The following MAP2K3 variants were observed in gnomAD, a reference collection of about 807,000 sequenced individuals.
MAP2K3 encodes dual specificity mitogen-activated protein kinase kinase 3.
MAP2K3 carries 30 observed loss-of-function variants against 46.4 expected under a neutral mutation model. That is an observed-to-expected ratio of 0.65 (90% confidence interval 0.48 to 0.88). The LOEUF (loss-of-function observed/expected upper bound fraction) is 0.88, where lower values mean the gene tolerates loss of function less well. Among genes scored for constraint, MAP2K3 ranks in the 40% least tolerant of loss-of-function variants. MAP2K3 has a pLI of 0.00. For synonymous variants in MAP2K3, 189 were observed against 176.3 expected (o/e 1.07, Z -0.57); for missense variants, 380 against 464.5 (o/e 0.82, Z 1.67).
chr17:21,310,180 T>A (rs1977098248), intron 9 of MAP2K3, among the ~76,000 whole-genome samples: 1 of 152,088 alleles, frequency 6.6e-6, no homozygotes, highest in Admixed American at 6.6e-5. Context: ...CAGCTAATTT[T>A]GTGTTTTTAG....
chr17:21,308,233 C>T (rs1452950591), intron 9 of MAP2K3, among the ~76,000 whole-genome samples: 5 of 152,164 alleles, frequency 3.3e-5, no homozygotes, highest in South Asian at 2.1e-4. Context: ...CTGCAACCTC[C>T]GCCTCCCAGG....
At chr17:21,296,505 G>C (rs1446193934) in intron 1 of MAP2K3, among the ~76,000 whole-genome samples, 1 of 152,312 alleles carries the variant, frequency 6.6e-6, no homozygotes, top group Non-Finnish European at 1.5e-5. Flanking sequence ...CCTCAGGGAG[G>C]GCTCCCTGTG....
At chr17:21,288,101 C>A (rs749814312) in intron 1 of MAP2K3, 1 of 1,288,834 alleles carries the variant, frequency 7.8e-7, no homozygotes, top group Admixed American at 2.3e-5. Flanking sequence ...GGTGAGTCAG[C>A]GGGCACTGGG....
chr17:21,300,557 G>A lies in MAP2K3; in HGVS notation c.178G>A (p.Glu60Lys), dbSNP rs1327033661. The part of the protein sequence containing the change: ...ITIGDRNFEV[E>K]ADDLVTISEL... ...TCCATCCTTCAAGAACTTTGAGGTG[G>A]AGGCTGATGACTTGGTGACCATCTC... The change falls in exon 4 of 12, where the codon GAG becomes AAG. Residue 60 changes from glutamate to lysine, a missense_variant. Glu to Lys is a moderately conservative substitution (Grantham distance 56, BLOSUM62 1). Coordinates refer to ENST00000342679, the MANE Select transcript of MAP2K3 (RefSeq NM_145109.3). 1 of 1,611,008 alleles carries A rather than the reference G, an allele frequency of 6.2e-7. No homozygotes were observed. Among genetic ancestry groups the A allele is most frequent in the South Asian group, 1.1e-5 (1 of 90,200 alleles).
At chr17:21,304,140 C>G (rs1976757788) in intron 7 of MAP2K3, among the ~76,000 whole-genome samples, 1 of 152,312 alleles carries the variant, frequency 6.6e-6, no homozygotes, top group African/African-American at 2.4e-5. Context: ...ACGGTGCTCC[C>G]AGCAAAGCAC....
intron 1 of MAP2K3, among the ~76,000 whole-genome samples, chr17:21,292,675 CA>C (rs1976009177): frequency 6.6e-6 from 1 of 152,306 alleles, no homozygotes; most frequent in Non-Finnish European, 1.5e-5. Flanking sequence ...TTAGTAGAGA[CA>C]GGGTTTCACC....
chr17:21,298,147 A>C (rs1378375241), intron 1 of MAP2K3, among the ~76,000 whole-genome samples: 19 of 152,292 alleles, frequency 1.2e-4, no homozygotes, highest in Admixed American at 1.2e-3. Context: ...GGAGGTACTC[A>C]AGATGTGCCC....
chr17:21,286,906 C>T (rs1975738308), intron 1 of MAP2K3, among the ~76,000 whole-genome samples: 1 of 152,180 alleles, frequency 6.6e-6, no homozygotes, highest in Non-Finnish European at 1.5e-5. Flanking sequence ...GATGTGGTGG[C>T]AGAGCCACAA....
At chr17:21,291,402 A>G (rs1209078338) in intron 1 of MAP2K3, 2 of 451,370 alleles carry the variant, frequency 4.4e-6, no homozygotes, top group Non-Finnish European at 8.9e-6. Flanking sequence ...TGAAGCACAG[A>G]TGGCGTTTGT....
At chr17:21,305,740 C>A in intron 9 of MAP2K3, among the ~76,000 whole-genome samples, 1 of 152,158 alleles carries the variant, frequency 6.6e-6, no homozygotes, top group African/African-American at 2.4e-5. Flanking sequence ...CGCTCTGGCT[C>A]CCCTGTGGAC....
At chr17:21,299,687 A>G (rs1976480601) in intron 3 of MAP2K3, among the ~76,000 whole-genome samples, 2 of 150,904 alleles carry the variant, frequency 1.3e-5, no homozygotes, top group Non-Finnish European at 1.5e-5. Flanking sequence ...GTTTCAAAAA[A>G]AAAAAAAAAA....
intron 3 of MAP2K3, 83 bp downstream of exon 3, chr17:21,299,009 G>A (rs1976436288): frequency 1.3e-6 from 2 of 1,589,482 alleles, no homozygotes; most frequent in Admixed American, 1.7e-5. Context: ...CCACTTTGGG[G>A]GGAGGTGACT....
intron 10 of MAP2K3, among the ~76,000 whole-genome samples, chr17:21,312,698 C>T (rs1277650150): frequency 3.8e-4 from 58 of 151,912 alleles, no homozygotes; most frequent in Admixed American, 3.4e-3. Context: ...AGGCGGATCC[C>T]GAGGTCAGGA....
At position 21,303,047 on chromosome 17, in the gene MAP2K3, G is replaced by A. The variant is rs1025889015; in HGVS notation, c.517-136G>A. 9 of 1,145,502 alleles carry A rather than the reference G, an allele frequency of 7.9e-6. No homozygotes were observed. The African/African-American group carries it at 1.4e-4, about 17-fold the overall frequency. The allele number at this position is 1,145,502 out of a possible 1,614,324, so 71.0% of individuals were successfully genotyped here. A position where few individuals can be genotyped will look rare whatever the true frequency, so the allele number is the denominator to read the frequency against. On this transcript the variant is annotated intron_variant, in intron 6 of 11. Transcript: ENST00000342679. ...ATGCCAGGACAGGGCAGGAGGCTGGGATGAGAGGGTGCGTAGCCTGTGCAG... is the reference window on the plus strand; with the variant it reads ...ATGCCAGGACAGGGCAGGAGGCTGGAATGAGAGGGTGCGTAGCCTGTGCAG...
intron 1 of MAP2K3, among the ~76,000 whole-genome samples, chr17:21,297,089 A>G (rs985364392): frequency 6.6e-6 from 1 of 152,300 alleles, no homozygotes; most frequent in Admixed American, 6.5e-5. Context: ...TGCCAAGGCT[A>G]TTCTGTTTCC....
rs746787964 is a variant in MAP2K3 at position 21,298,901 on chromosome 17, G to A, written c.140G>A (p.Arg47Gln). 52 of 1,614,048 alleles carry A rather than the reference G, an allele frequency of 3.2e-5. No individual in the cohort carries two copies. Among genetic ancestry groups the A allele is most frequent in the African/African-American group, 5.3e-5 (4 of 74,964 alleles). ...NPTPPRNLDSRTFITIGDRNF... is the reference protein window; with the variant it reads ...NPTPPRNLDSQTFITIGDRNF... ...AGACCCCCCCGGAACCTGGACTCCC[G>A]GACCTTCATCACCATTGGAGACAGA... The change falls in exon 3 of 12, where the codon CGG becomes CAG. Residue 47 changes from arginine to glutamine, a missense_variant. Arg to Gln is a conservative substitution (Grantham distance 43, BLOSUM62 1). Transcript: ENST00000342679.
chr17:21,295,958 T>G, intron 1 of MAP2K3: 1 of 1,249,492 alleles, frequency 8.0e-7, no homozygotes, highest in Non-Finnish European at 1.0e-6. Flanking sequence ...AGGCCCAGGG[T>G]CTCTGTGCAG....
At chr17:21,295,262 GAGTT>G (rs1976174267) in intron 1 of MAP2K3, among the ~76,000 whole-genome samples, 1 of 152,312 alleles carries the variant, frequency 6.6e-6, no homozygotes, top group African/African-American at 2.4e-5. Context: ...CGGCCAGTGA[GAGTT>G]GTGTTCTAGT....
At chr17:21,311,400 G>A (rs1010720321) in intron 9 of MAP2K3, among the ~76,000 whole-genome samples, 1 of 152,022 alleles carries the variant, frequency 6.6e-6, no homozygotes, top group African/African-American at 2.4e-5. Flanking sequence ...GCCAACCACA[G>A]GGCTGGGAGC....
Sources: allele counts gnomAD v4.1 joint callset (sites outside exome capture counted in the v4.1 genomes callset), GRCh38; gene constraint gnomAD v4.1.1; transcripts MANE v1.5; gene names NCBI Gene and HGNC (gene_info 2026-07-23, HGNC 2026-07-21).